The following RAB5C variants were observed in gnomAD, a reference collection of about 807,000 sequenced individuals.
The protein encoded by RAB5C is ras-related protein Rab-5C.
Under a neutral mutation model 25.2 loss-of-function variants are expected in RAB5C, and 4 were observed. The observed-to-expected ratio is 0.16, with a 90% CI of 0.08 to 0.36. The LOEUF (loss-of-function observed/expected upper bound fraction) is 0.36. Among genes scored for constraint, RAB5C ranks in the 10% least tolerant of loss-of-function variants. The pLI is 1.00. For missense variants in RAB5C, 199 were observed against 283.8 expected, an observed-to-expected ratio of 0.70 and a Z score of 2.15; for synonymous variants, 100 against 106.4, an observed-to-expected ratio of 0.94 and a Z score of 0.37.
At chr17:42,131,814 T>C (rs1289359878) in intron 1 of RAB5C, 2 of 531,180 alleles carry the variant, frequency 3.8e-6, no homozygotes, top group Non-Finnish European at 6.8e-6. Flanking sequence ...AGCCTATCTC[T>C]AGAAGCCTCT....
intron 1 of RAB5C, chr17:42,136,386 G>C (rs926022999): frequency 6.6e-6 from 1 of 151,760 alleles, no homozygotes; most frequent in Non-Finnish European, 1.5e-5. Flanking sequence ...CCAGAGGAAA[G>C]AAGAATCTGA....
chr17:42,131,557 G>A, intron 1 of RAB5C: 1 of 1,493,574 alleles, frequency 6.7e-7, no homozygotes, highest in Non-Finnish European at 9.0e-7. Flanking sequence ...CAAAGTCATA[G>A]CTCTGCCACA....
chr17:42,154,706 G>T, intron 1 of RAB5C, 187 bp downstream of exon 1: 1 of 152,456 alleles, frequency 6.6e-6, no homozygotes. Context: ...CTCACCAAAG[G>T]CAGGTAAGCT....
chr17:42,149,879 T>G (rs2079658921), intron 1 of RAB5C, among the ~76,000 whole-genome samples: 1 of 148,510 alleles, frequency 6.7e-6, no homozygotes, highest in Non-Finnish European at 1.5e-5. Flanking sequence ...CAGGCTGGTT[T>G]TTTTTTTTTT....
chr17:42,144,913 C>G (rs1255943060), intron 1 of RAB5C, among the ~76,000 whole-genome samples: 22 of 70,046 alleles, frequency 3.1e-4, no homozygotes, highest in East Asian at 4.5e-4. Flanking sequence ...GCGACAGAGC[C>G]AGACTCCGTC....
At chr17:42,128,958 G>A (rs560654536) in intron 2 of RAB5C, among the ~76,000 whole-genome samples, 158 bp from the exon 3 acceptor site, 6 of 152,116 alleles carry the variant, frequency 3.9e-5, no homozygotes, top group Non-Finnish European at 8.8e-5. Context: ...AGTGGGGGGT[G>A]GAGTTTGGAT....
chr17:42,153,786 A>G (rs999256780), intron 1 of RAB5C, among the ~76,000 whole-genome samples: 3 of 152,230 alleles, frequency 2.0e-5, no homozygotes, highest in Non-Finnish European at 4.4e-5. Context: ...GACAAGGATC[A>G]GTCAATATGG....
At chr17:42,153,143 C>T (rs1194506251) in intron 1 of RAB5C, among the ~76,000 whole-genome samples, 1 of 152,158 alleles carries the variant, frequency 6.6e-6, no homozygotes, top group Non-Finnish European at 1.5e-5. Context: ...AGGCCGGGCA[C>T]GGTGGTTCAC....
At chr17:42,128,925 A>AT in intron 2 of RAB5C, 125 bp from the exon 3 acceptor site, 1 of 937,854 alleles carries the variant, frequency 1.1e-6, no homozygotes, top group Non-Finnish European at 1.4e-6. Context: ...AGAACCCTCA[A>AT]GCCAGGAGCC....
At chr17:42,128,982 T>C (rs935322325) in intron 2 of RAB5C, among the ~76,000 whole-genome samples, 182 bp from the exon 3 acceptor site, 9 of 151,948 alleles carry the variant, frequency 5.9e-5, no homozygotes, top group African/African-American at 1.7e-4. Flanking sequence ...TATGTATGTG[T>C]CTGGGGGACG....
chr17:42,128,985 G>T (rs1389607536), intron 2 of RAB5C, among the ~76,000 whole-genome samples, 185 bp from the exon 3 acceptor site: 1 of 152,090 alleles, frequency 6.6e-6, no homozygotes, highest in East Asian at 1.9e-4. Context: ...GTATGTGTCT[G>T]GGGGACGGGG....
chr17:42,147,054 A>AAAAG (rs1214101935), intron 1 of RAB5C, among the ~76,000 whole-genome samples: 8 of 150,874 alleles, frequency 5.3e-5, no homozygotes, highest in Admixed American at 4.6e-4. Context: ...GAAAGACAGA[A>AAAAG]AAAGAAAGAA....
chr17:42,154,205 G>A (rs1357683738), intron 1 of RAB5C, among the ~76,000 whole-genome samples: 1 of 152,186 alleles, frequency 6.6e-6, no homozygotes, highest in Non-Finnish European at 1.5e-5. Flanking sequence ...AGCTAGGATT[G>A]AGCAAACCTC....
chr17:42,140,484 AATATATATATATATAT>A (rs10580000), intron 1 of RAB5C, among the ~76,000 whole-genome samples: 20 of 72,746 alleles, frequency 2.7e-4, no homozygotes, highest in Non-Finnish European at 5.2e-4. Flanking sequence ...AATATTTTAG[AATATATATATATATAT>A]ATATATATAT....
intron 1 of RAB5C, among the ~76,000 whole-genome samples, chr17:42,138,202 G>T (rs950957687): frequency 6.6e-6 from 1 of 152,160 alleles, no homozygotes; most frequent in Non-Finnish European, 1.5e-5. Context: ...CAGAGGAAAG[G>T]GGGGTTTAGG....
intron 4 of RAB5C, 88 bp from the exon 5 acceptor site, chr17:42,126,936 G>T: frequency 1.2e-6 from 1 of 804,954 alleles, no homozygotes; most frequent in Non-Finnish European, 2.1e-6. Flanking sequence ...TTCCTTATTC[G>T]AGCACCTTAT....
intron 1 of RAB5C, among the ~76,000 whole-genome samples, chr17:42,136,044 G>A (rs9903204): frequency 0.36 from 53,974 of 151,998 alleles, 12,917 homozygotes; most frequent in African/African-American, 0.69. Context: ...CCCCGGAAAA[G>A]GGCATTCCTG....
chr17:42,133,246 T>C (rs1458725815), intron 1 of RAB5C, among the ~76,000 whole-genome samples: 1 of 152,118 alleles, frequency 6.6e-6, no homozygotes, highest in African/African-American at 2.4e-5. Flanking sequence ...GGTCTGTGGC[T>C]GGGGCACTGG....
At chr17:42,130,181 G>T in intron 2 of RAB5C, 156 bp downstream of exon 2, 2 of 1,019,596 alleles carry the variant, frequency 2.0e-6, no homozygotes, top group Non-Finnish European at 2.8e-6. Flanking sequence ...GAGACCAGTT[G>T]CTGGGCTCAA....
Sources: gnomAD v4.1 joint callset for allele counts (sites outside exome capture counted in the v4.1 genomes callset) on GRCh38, gnomAD v4.1.1 for gene constraint, MANE v1.5 for transcripts, NCBI Gene and HGNC (gene_info 2026-07-23, HGNC 2026-07-21) for gene names.